The following METTL15 variants were observed in gnomAD, a reference collection of about 807,000 sequenced individuals.
METTL15 encodes 12S rRNA N(4)-cytidine methyltransferase METTL15.
METTL15 carries 34 observed loss-of-function variants against 38.3 expected under a neutral mutation model. The observed-to-expected ratio is 0.89, with a 90% CI of 0.68 to 1.18. The LOEUF (loss-of-function observed/expected upper bound fraction) is 1.18. METTL15 is among the 50% of genes most tolerant of loss of function. The pLI, the probability that METTL15 is intolerant of heterozygous loss-of-function variation, is 0.00. For synonymous variants in METTL15, 162 were observed against 170.9 expected, an observed-to-expected ratio of 0.95 and a Z score of 0.41; for missense variants, 438 against 498.4, an observed-to-expected ratio of 0.88 and a Z score of 1.15.
chr11:28,156,662 AT>A (rs1850276181), intron 3 of METTL15, among the ~76,000 whole-genome samples: 1 of 152,174 alleles, frequency 6.6e-6, no homozygotes, highest in Non-Finnish European at 1.5e-5. Flanking sequence ...TACAAGGTTA[AT>A]TTTTTAAATG....
At chr11:28,249,143 T>G (rs2133919321) in intron 4 of METTL15, among the ~76,000 whole-genome samples, 1 of 152,132 alleles carries the variant, frequency 6.6e-6, no homozygotes, top group East Asian at 1.9e-4. Flanking sequence ...GGATTTAGAC[T>G]GACTCCCTCA....
At chr11:28,430,211 G>A (rs1378465304) in intron 6 of METTL15, among the ~76,000 whole-genome samples, 5 of 150,590 alleles carry the variant, frequency 3.3e-5, no homozygotes, top group Admixed American at 6.6e-5. Context: ...CAGCCACCCC[G>A]TCCGGGAGGG....
chr11:28,423,925 A>G (rs1850842757), intron 5 of METTL15, among the ~76,000 whole-genome samples: 2 of 152,150 alleles, frequency 1.3e-5, no homozygotes, highest in Admixed American at 1.3e-4. Context: ...TGATGTGATT[A>G]TTACACATGC....
chr11:28,372,004 G>A (rs749121224), intron 5 of METTL15, among the ~76,000 whole-genome samples: 15 of 151,654 alleles, frequency 9.9e-5, no homozygotes, highest in Non-Finnish European at 1.8e-4. Flanking sequence ...AACTTTTCTA[G>A]TGAGAACTTA....
chr11:28,398,400 GT>G lies in METTL15; in HGVS notation c.*359-25895del, dbSNP rs1850596152. 2.0e-5 allele frequency among the ~76,000 whole-genome samples: 3 copies of G among 152,044 alleles called. No homozygotes were observed. The South Asian group carries it at 6.2e-4, about 32-fold the overall frequency. On this transcript the variant is annotated intron_variant and NMD_transcript_variant, in intron 5 of 7. Transcript: ENST00000532947. Reference sequence around the variant, plus strand: ...TGGCATGAGATGATATCTCACTGTGGTTTTGATTTACATTTCTCTAATGACC... The same window carrying G: ...TGGCATGAGATGATATCTCACTGTGGTTTGATTTACATTTCTCTAATGACC...
chr11:28,199,337 T>C (rs377240418), intron 3 of METTL15, among the ~76,000 whole-genome samples: 11 of 152,268 alleles, frequency 7.2e-5, no homozygotes, highest in African/African-American at 2.6e-4. Flanking sequence ...TAGCTATCAA[T>C]TTTTCTTATA....
intron 4 of METTL15, among the ~76,000 whole-genome samples, chr11:28,262,624 T>G (rs1855254186): frequency 6.6e-6 from 1 of 152,082 alleles, no homozygotes; most frequent in South Asian, 2.1e-4. Context: ...TCTTCTCACT[T>G]TCTAGGTTAA....
intron 4 of METTL15, among the ~76,000 whole-genome samples, chr11:28,220,223 T>C (rs1853131408): frequency 6.6e-6 from 1 of 152,228 alleles, no homozygotes; most frequent in African/African-American, 2.4e-5. Flanking sequence ...TCTGAGGACT[T>C]GCTTTATGAA....
chr11:28,395,811 C>G (rs553750785), intron 5 of METTL15, among the ~76,000 whole-genome samples: 4 of 152,104 alleles, frequency 2.6e-5, no homozygotes, highest in Admixed American at 1.3e-4. Context: ...AATTTTAGAC[C>G]AATATCCCTG....
intron 6 of METTL15, among the ~76,000 whole-genome samples, chr11:28,510,213 T>C (rs986244138): frequency 6.6e-6 from 1 of 152,194 alleles, no homozygotes; most frequent in Non-Finnish European, 1.5e-5. Context: ...AAGGAAATTA[T>C]AAGAAGATCT....
intron 3 of METTL15, among the ~76,000 whole-genome samples, chr11:28,117,589 C>T (rs1391650936): frequency 6.6e-6 from 1 of 152,144 alleles, no homozygotes; most frequent in Non-Finnish European, 1.5e-5. Flanking sequence ...CAAGTACCTA[C>T]AAATGTAATG....
chr11:28,502,830 C>A (rs1564949753), intron 6 of METTL15, among the ~76,000 whole-genome samples: 1 of 152,072 alleles, frequency 6.6e-6, no homozygotes, highest in Non-Finnish European at 1.5e-5. Context: ...GTCTTCTGTT[C>A]TCTTTGCTAG....
chr11:28,111,504 A>G (rs1312040611), intron 2 of METTL15, among the ~76,000 whole-genome samples: 1 of 152,218 alleles, frequency 6.6e-6, no homozygotes, highest in African/African-American at 2.4e-5. Context: ...AATAAAATGA[A>G]TCTATGAGAT....
chr11:28,347,209 A>C (rs114973550), intron 3 of METTL15, among the ~76,000 whole-genome samples: 3,666 of 152,256 alleles, frequency 0.024, 162 homozygotes, highest in African/African-American at 0.084. Context: ...CTGCACTTTG[A>C]AGTGCAGTCT....
intron 3 of METTL15, among the ~76,000 whole-genome samples, chr11:28,154,491 C>T (rs1299451131): frequency 6.6e-6 from 1 of 152,000 alleles, no homozygotes; most frequent in Non-Finnish European, 1.5e-5. Flanking sequence ...AGTTCTAGAA[C>T]TGATTTTAGT....
intron 5 of METTL15, among the ~76,000 whole-genome samples, chr11:28,372,224 T>A (rs1478819741): frequency 6.6e-6 from 1 of 152,058 alleles, no homozygotes; most frequent in Non-Finnish European, 1.5e-5. Flanking sequence ...CAGCACCTAT[T>A]GAAATTATCA....
chr11:28,485,455 A>G (rs1406086513), intron 6 of METTL15, among the ~76,000 whole-genome samples: 1 of 152,132 alleles, frequency 6.6e-6, no homozygotes, highest in East Asian at 1.9e-4. Flanking sequence ...AATCGCTAAG[A>G]AGAGGAAACA....
chr11:28,480,806 G>A (rs1590389648), intron 6 of METTL15, among the ~76,000 whole-genome samples: 1 of 152,148 alleles, frequency 6.6e-6, no homozygotes, highest in African/African-American at 2.4e-5. Flanking sequence ...TTGGTAGTAA[G>A]CTTTTCACCT....
chr11:28,353,707 T>C (rs1021544358), intron 4 of METTL15, among the ~76,000 whole-genome samples: 4 of 151,202 alleles, frequency 2.6e-5, no homozygotes, highest in Non-Finnish European at 5.9e-5. Flanking sequence ...GGGTGGATCA[T>C]GAGGTCAGGA....
Sources: allele counts gnomAD v4.1 joint callset (sites outside exome capture counted in the v4.1 genomes callset), GRCh38; gene constraint gnomAD v4.1.1; transcripts MANE v1.5; gene names NCBI Gene and HGNC (gene_info 2026-07-23, HGNC 2026-07-21).